Variants in SAMSN1 observed in about 807,000 individuals in gnomAD.
SAMSN1 encodes the protein SAM domain-containing protein SAMSN-1.
In SAMSN1, 31 loss-of-function variants were observed where a neutral mutation model predicts 42.0. The ratio of observed to expected loss-of-function variants is 0.74; its 90% CI spans 0.55 to 1.00. The LOEUF is 1.00. Among genes scored for constraint, SAMSN1 ranks in the 50% least tolerant of loss-of-function variants. SAMSN1 has a pLI of 0.00. For missense variants in SAMSN1, 464 were observed against 439.4 expected (o/e 1.06, Z -0.50); for synonymous variants, 178 against 151.9 (o/e 1.17, Z -1.26).
intron 2 of SAMSN1, among the ~76,000 whole-genome samples, chr21:14,627,043 T>C (rs561766651): frequency 6.6e-6 from 1 of 151,956 alleles, no homozygotes; most frequent in East Asian, 1.9e-4. Context: ...AACCAAACAC[T>C]GCATGTTCTC....
At position 14,616,313 on chromosome 21, in the gene SAMSN1, T is replaced by TA. The variant is rs149303813; in HGVS notation, c.157-298dup. ...ATCTTATTTTAAGCCCTTGCCAGTT[T>TA]AAAAAAAAACAACAGGTCTTTTAAA... On this transcript the variant is annotated intron_variant, in intron 2 of 15. Coordinates refer to the SAMSN1 transcript ENST00000647101. Among the ~76,000 whole-genome samples the TA allele has an allele frequency of 4.6e-3, 688 of 151,156 alleles. 14 individuals carry two copies. Among genetic ancestry groups the TA allele is most frequent in the Admixed American group, 0.036 (541 of 15,160 alleles).
intron 7 of SAMSN1, among the ~76,000 whole-genome samples, chr21:14,493,102 G>A (rs960524694): frequency 7.9e-5 from 12 of 152,142 alleles, no homozygotes; most frequent in Middle Eastern, 3.2e-3. Flanking sequence ...CATTTGCCCT[G>A]CATCGACTTG....
rs34402367 is a variant in SAMSN1 at position 14,487,089 on chromosome 21, C to T, written c.920-975G>A. The stretch of plus-strand genomic sequence containing the variant: ...CTTAGCTGCAGTACCATATCTTCCT[C>T]TTTCCCCTTCTAACCTTGGGGCTTC... On this transcript the variant is annotated intron_variant, in intron 7 of 7. Transcript: ENST00000400566. 2.1e-3 allele frequency among the ~76,000 whole-genome samples: 316 copies of T among 152,222 alleles called. 1 individual carries two copies. The highest frequency in any genetic ancestry group is 3.4e-3 in the Non-Finnish European group (234 of 67,996).
At chr21:14,556,098 C>T (rs184638351) in intron 2 of SAMSN1, among the ~76,000 whole-genome samples, 52 of 152,228 alleles carry the variant, frequency 3.4e-4, no homozygotes, top group Non-Finnish European at 5.6e-4. Flanking sequence ...TCCTCAGAAA[C>T]GCTATTCTTA....
At chr21:14,517,393 C>T (rs1987964951) in intron 2 of SAMSN1, among the ~76,000 whole-genome samples, 1 of 152,110 alleles carries the variant, frequency 6.6e-6, no homozygotes, top group Admixed American at 6.5e-5. Context: ...ATAAGGAGTT[C>T]TTATGTCTAC....
intron 7 of SAMSN1, among the ~76,000 whole-genome samples, chr21:14,493,735 G>T (rs1356152439): frequency 2.0e-5 from 3 of 152,086 alleles, no homozygotes; most frequent in Non-Finnish European, 2.9e-5. Context: ...CTGCTCTCTT[G>T]TCCCTTCAAG....
intron 1 of SAMSN1, among the ~76,000 whole-genome samples, chr21:14,540,608 G>A (rs549541408): frequency 1.8e-4 from 27 of 152,288 alleles, no homozygotes; most frequent in African/African-American, 6.0e-4. Flanking sequence ...AGTTAGAATG[G>A]CGATCATTAA....
intron 1 of SAMSN1, among the ~76,000 whole-genome samples, chr21:14,647,903 T>A (rs1424498151): frequency 6.6e-6 from 1 of 151,672 alleles, no homozygotes; most frequent in Non-Finnish European, 1.5e-5. Context: ...CAATGGAGTT[T>A]TCTAGATATA....
chr21:14,512,386 T>A, intron 4 of SAMSN1, 58 bp downstream of exon 4: 1 of 1,578,382 alleles, frequency 6.3e-7, no homozygotes, highest in East Asian at 2.3e-5. Flanking sequence ...TGTTGTTTTT[T>A]AATTAATTTA....
At chr21:14,525,018 TTTCATCAACTAAATAG>T (rs774489278) in intron 1 of SAMSN1, among the ~76,000 whole-genome samples, 92 of 152,308 alleles carry the variant, frequency 6.0e-4, no homozygotes, top group South Asian at 3.7e-3. Flanking sequence ...ATGAAACCTA[TTTCATCAACTAAATAG>T]TTCATCAACT....
intron 1 of SAMSN1, among the ~76,000 whole-genome samples, chr21:14,527,496 A>G (rs1427115497): frequency 6.6e-6 from 1 of 152,222 alleles, no homozygotes; most frequent in Non-Finnish European, 1.5e-5. Flanking sequence ...AAGCTCAAAC[A>G]TATACCAATG....
intron 1 of SAMSN1, among the ~76,000 whole-genome samples, chr21:14,656,984 C>T (rs931355157): frequency 6.6e-6 from 1 of 151,574 alleles, no homozygotes; most frequent in African/African-American, 2.4e-5. Flanking sequence ...AATGCAGTGT[C>T]CCATATGTTC....
At chr21:14,569,776 TA>T (rs1175915367) in intron 2 of SAMSN1, among the ~76,000 whole-genome samples, 1 of 152,202 alleles carries the variant, frequency 6.6e-6, no homozygotes, top group Non-Finnish European at 1.5e-5. Context: ...TTTTGCAATA[TA>T]TTTATCACTA....
intron 5 of SAMSN1, among the ~76,000 whole-genome samples, chr21:14,602,294 A>C (rs1158747485): frequency 1.3e-5 from 2 of 152,130 alleles, no homozygotes; most frequent in Non-Finnish European, 2.9e-5. Context: ...TAAAATAGAA[A>C]TTTAACAAAA....
At chr21:14,505,879 A>G (rs1417994486) in intron 5 of SAMSN1, among the ~76,000 whole-genome samples, 4 of 152,242 alleles carry the variant, frequency 2.6e-5, no homozygotes, top group Non-Finnish European at 4.4e-5. Context: ...ATATAAAAAA[A>G]TTGAAATTAT....
At chr21:14,648,197 G>A (rs1222936996) in intron 1 of SAMSN1, among the ~76,000 whole-genome samples, 1 of 151,930 alleles carries the variant, frequency 6.6e-6, no homozygotes, top group Non-Finnish European at 1.5e-5. Context: ...TTAGCATGAA[G>A]GGAAAACTGG....
chr21:14,599,415 C>T (rs1982367835), intron 6 of SAMSN1, among the ~76,000 whole-genome samples: 3 of 152,180 alleles, frequency 2.0e-5, no homozygotes, highest in Admixed American at 2.0e-4. Context: ...TAGCCTTCTG[C>T]CATGGTTGTA....
chr21:14,580,903 G>A (rs2822782), intron 2 of SAMSN1, among the ~76,000 whole-genome samples: 58,330 of 152,000 alleles, frequency 0.38, 11,929 homozygotes, highest in Middle Eastern at 0.46. Context: ...GACCAGAGGA[G>A]CTGTAGGTAA....
At position 14,606,132 on chromosome 21, in the gene SAMSN1, G is replaced by A. The variant is rs555630388; in HGVS notation, c.322+3350C>T. On this transcript the variant is annotated intron_variant, in intron 5 of 15. Coordinates refer to the SAMSN1 transcript ENST00000647101. ...TGGGATTACAGGCGTGAACCACTGCGCCCGGTCAAGAAGATTTATTTTTAA... is the reference window on the plus strand; with the variant it reads ...TGGGATTACAGGCGTGAACCACTGCACCCGGTCAAGAAGATTTATTTTTAA... Among the ~76,000 whole-genome samples, 14 of 152,182 alleles carry A rather than the reference G, an allele frequency of 9.2e-5. No homozygotes were observed. In the East Asian group the frequency reaches 2.3e-3, roughly 25 times the overall value.
Sources: allele counts gnomAD v4.1 joint callset (sites outside exome capture counted in the v4.1 genomes callset), GRCh38; gene constraint gnomAD v4.1.1; transcripts MANE v1.5; gene names NCBI Gene and HGNC (gene_info 2026-07-23, HGNC 2026-07-21).